The following WLS variants were observed in gnomAD, a reference collection of about 807,000 sequenced individuals.
WLS encodes the protein protein wntless homolog.
WLS carries 23 observed loss-of-function variants against 62.8 expected under a neutral mutation model. That is an observed-to-expected ratio of 0.37 (90% CI 0.26 to 0.52). The LOEUF is 0.52. Among genes scored for constraint, WLS ranks in the 20% least tolerant of loss-of-function variants. The pLI is 0.92. For synonymous variants in WLS, 246 were observed against 244.1 expected (o/e 1.01, Z -0.07); for missense variants, 615 against 697.3 (o/e 0.88, Z 1.33).
At chr1:68,179,396 T>C (rs1334948114) in intron 2 of WLS, among the ~76,000 whole-genome samples, 1 of 152,166 alleles carries the variant, frequency 6.6e-6, no homozygotes, top group Non-Finnish European at 1.5e-5. Context: ...ATCAAGGCAC[T>C]GGAGTCCTAA....
At chr1:68,137,671 T>C in intron 11 of WLS, 109 bp downstream of exon 11, 1 of 1,310,972 alleles carries the variant, frequency 7.6e-7, no homozygotes, top group Non-Finnish European at 1.0e-6. Context: ...AGGAGTATAC[T>C]TGGAGGGAAA....
intron 11 of WLS, chr1:68,100,872 A>G (rs995027181): frequency 1.3e-5 from 2 of 152,350 alleles, no homozygotes; most frequent in South Asian, 4.1e-4. Context: ...ACAAGCACTG[A>G]TAAGTCTCCA....
chr1:68,098,938 G>T (rs997358055), intron 11 of WLS: 3 of 902,554 alleles, frequency 3.3e-6, no homozygotes, highest in Non-Finnish European at 3.1e-6. Context: ...TTTCTCCCTT[G>T]CCCACTAAAT....
At chr1:68,129,219 G>GT (rs1331615396) in intron 11 of WLS, among the ~76,000 whole-genome samples, 1 of 152,180 alleles carries the variant, frequency 6.6e-6, no homozygotes, top group Non-Finnish European at 1.5e-5. Flanking sequence ...CAGCTACTCA[G>GT]TAGGCTCAGG....
At chr1:68,225,804 T>A (rs1484468949) in intron 1 of WLS, among the ~76,000 whole-genome samples, 1 of 152,178 alleles carries the variant, frequency 6.6e-6, no homozygotes, top group African/African-American at 2.4e-5. Context: ...CTCCACTGAT[T>A]CTTTCTTTCC....
intron 2 of WLS, among the ~76,000 whole-genome samples, chr1:68,191,954 G>T (rs1648332704): frequency 6.6e-6 from 1 of 152,186 alleles, no homozygotes; most frequent in South Asian, 2.1e-4. Context: ...CCTTTTCTCT[G>T]CTGTGAAGCC....
At position 68,159,170 on chromosome 1, in the gene WLS, G is replaced by T; in HGVS notation, c.457C>A (p.His153Asn). The change falls in exon 3 of 12, where the codon CAT becomes AAT. Residue 153 changes from histidine to asparagine, a missense_variant. Transcript: ENST00000262348. ...DAFAEWTEMA[H>N]ERVPRKLKCT... ...TTGAGTTTCCGTGGTACTCTTTCAT[G>T]GGCCATTTCAGTCCACTCAGCAAAC... 2.5e-6 allele frequency: 4 copies of T among 1,614,066 alleles called. No individual in the cohort carries two copies. The highest frequency in any genetic ancestry group is 2.5e-6 in the Non-Finnish European group (3 of 1,179,998).
intron 1 of WLS, among the ~76,000 whole-genome samples, chr1:68,226,880 C>G (rs1309484452): frequency 6.6e-6 from 1 of 152,120 alleles, no homozygotes; most frequent in Non-Finnish European, 1.5e-5. Flanking sequence ...AGAAATATTT[C>G]TGCAGTTTAT....
intron 11 of WLS, among the ~76,000 whole-genome samples, chr1:68,132,545 A>T (rs1646542104): frequency 6.6e-6 from 1 of 152,224 alleles, no homozygotes; most frequent in African/African-American, 2.4e-5. Context: ...AACCTCCAGG[A>T]GTAAAACTGA....
At chr1:68,193,452 A>T (rs1648479683) in intron 2 of WLS, among the ~76,000 whole-genome samples, 1 of 136,068 alleles carries the variant, frequency 7.3e-6, no homozygotes, top group Non-Finnish European at 1.6e-5. Flanking sequence ...ACGAAAAAAA[A>T]ACCTGGTTTG....
intron 5 of WLS, among the ~76,000 whole-genome samples, chr1:68,152,131 T>A: frequency 6.6e-6 from 1 of 152,102 alleles, no homozygotes; most frequent in Non-Finnish European, 1.5e-5. Flanking sequence ...TTTACTGAAA[T>A]GGGGATCCTG....
chr1:68,225,316 A>G (rs1450615480), intron 1 of WLS, among the ~76,000 whole-genome samples: 2 of 152,108 alleles, frequency 1.3e-5, no homozygotes, highest in African/African-American at 4.8e-5. Context: ...AGAAAACACT[A>G]AAGTTTGAGA....
At chr1:68,219,797 GTAAT>G (rs1193685793) in intron 1 of WLS, among the ~76,000 whole-genome samples, 3 of 152,070 alleles carry the variant, frequency 2.0e-5, no homozygotes, top group African/African-American at 7.2e-5. Flanking sequence ...TGTTTCAGAA[GTAAT>G]TAATATTTTA....
intron 3 of WLS, among the ~76,000 whole-genome samples, chr1:68,158,343 T>C (rs1220394592): frequency 1.3e-5 from 2 of 152,192 alleles, no homozygotes; most frequent in African/African-American, 2.4e-5. Context: ...AACACTGCAA[T>C]GGGTACTTAG....
chr1:68,129,697 G>A (rs935232195), intron 11 of WLS, among the ~76,000 whole-genome samples: 1 of 152,164 alleles, frequency 6.6e-6, no homozygotes, highest in African/African-American at 2.4e-5. Flanking sequence ...CCCTCCACTT[G>A]CCTCCTAATT....
At chr1:68,163,306 G>C (rs2100514473) in intron 2 of WLS, among the ~76,000 whole-genome samples, 1 of 152,338 alleles carries the variant, frequency 6.6e-6, no homozygotes, top group Non-Finnish European at 1.5e-5. Flanking sequence ...CATTTAAGGT[G>C]ATGAAACCCT....
rs1649394589 is a variant in WLS, at chr1:68,208,906, C to T, written c.107-14679G>A. Among the ~76,000 whole-genome samples, 4 of 152,092 alleles carry T rather than the reference C, an allele frequency of 2.6e-5. No homozygotes were observed. The South Asian group carries it at 8.3e-4, about 32-fold the overall frequency. On this transcript the variant is annotated intron_variant, in intron 1 of 11. Coordinates refer to ENST00000262348, the MANE Select transcript of WLS (RefSeq NM_024911.7). ...CCATCATCTTATTTTAATATTTGGT[C>T]CAAATTCTGGGCTTCTCACAATCAG...
chr1:68,147,295 G>A (rs75813423), intron 8 of WLS, among the ~76,000 whole-genome samples: 6,206 of 152,180 alleles, frequency 0.041, 160 homozygotes, highest in Middle Eastern at 0.095. Context: ...CTAACATTTG[G>A]TGGGGGCATA....
At chr1:68,223,780 A>G (rs1386973766) in intron 1 of WLS, among the ~76,000 whole-genome samples, 1 of 152,142 alleles carries the variant, frequency 6.6e-6, no homozygotes, top group African/African-American at 2.4e-5. Flanking sequence ...TTTTGGGATC[A>G]TTGAGGCCAC....
Sources: allele counts gnomAD v4.1 joint callset (sites outside exome capture counted in the v4.1 genomes callset), GRCh38; gene constraint gnomAD v4.1.1; transcripts MANE v1.5; gene names NCBI Gene and HGNC (gene_info 2026-07-23, HGNC 2026-07-21).